The following TFB1M variants were observed in gnomAD, a reference collection of about 807,000 sequenced individuals.
TFB1M encodes dimethyladenosine transferase 1, mitochondrial.
Under a neutral mutation model 31.1 loss-of-function variants are expected in TFB1M, and 27 were observed. That is an observed-to-expected ratio of 0.87 (90% CI 0.64 to 1.20). TFB1M has a LOEUF of 1.20. TFB1M is among the 50% of genes most tolerant of loss of function. The pLI is 0.00. For missense variants in TFB1M, 394 were observed against 418.7 expected (o/e 0.94, Z 0.51); for synonymous variants, 166 against 151.8 (o/e 1.09, Z -0.69).
At chr6:155,261,386 A>G (rs1261256716) in intron 5 of TFB1M, among the ~76,000 whole-genome samples, 1 of 152,194 alleles carries the variant, frequency 6.6e-6, no homozygotes, top group East Asian at 1.9e-4. Context: ...TTTCAAAAGG[A>G]ACTCCATTGT....
chr6:155,254,229 A>G, downstream of TFB1M: 2 of 994,716 alleles, frequency 2.0e-6, no homozygotes, highest in Non-Finnish European at 2.9e-6. Context: ...TTGATTAAAT[A>G]AATATCAAAA....
At chr6:155,254,143 C>G (rs1783854312), downstream of TFB1M, 3 of 1,437,522 alleles carry the variant, frequency 2.1e-6, no homozygotes, top group African/African-American at 4.3e-5. Context: ...TAGTGCCCTC[C>G]TGAATTTTGA....
intron 4 of TFB1M, among the ~76,000 whole-genome samples, chr6:155,292,147 C>G (rs1328344668): frequency 6.6e-6 from 1 of 152,126 alleles, no homozygotes; most frequent in Non-Finnish European, 1.5e-5. Context: ...GGGGGCAGCT[C>G]AAACTGAGCC....
At chr6:155,236,070 C>T in the TFB1M span, among the ~76,000 whole-genome samples, 1 of 152,100 alleles carries the variant, frequency 6.6e-6, no homozygotes, top group African/African-American at 2.4e-5. Flanking sequence ...TGGTGCAAAT[C>T]CCAGTACAGA....
chr6:155,278,886 G>A (rs1296662833), intron 5 of TFB1M, among the ~76,000 whole-genome samples: 1 of 152,192 alleles, frequency 6.6e-6, no homozygotes, highest in Non-Finnish European at 1.5e-5. Flanking sequence ...GAAAGCATAT[G>A]ACTAGTGTTA....
At chr6:155,281,821 TA>T (rs34485998) in intron 5 of TFB1M, among the ~76,000 whole-genome samples, 44,535 of 150,090 alleles carry the variant, frequency 0.3, 7,316 homozygotes, top group East Asian at 0.66. Context: ...CCATAATTCA[TA>T]AAAAAAAAGA....
At position 155,256,647 on chromosome 6, in the gene TFB1M, T is replaced by G; in HGVS notation, c.*1189A>C. 1 of 1,614,160 alleles carries G rather than the reference T, an allele frequency of 6.2e-7. No individual in the cohort carries two copies. Among genetic ancestry groups the G allele is most frequent in the Non-Finnish European group, 8.5e-7 (1 of 1,180,042 alleles). ...AGGGCAGGCAGGACTCCAAGAGCAC[T>G]TCTCCCGGGAAATACCCACACCCCG... On this transcript the variant is annotated 3_prime_UTR_variant, in exon 7 of 7. Coordinates refer to ENST00000367166, the MANE Select transcript of TFB1M (RefSeq NM_016020.4).
intron 6 of TFB1M, among the ~76,000 whole-genome samples, chr6:155,259,678 C>T (rs1784303494): frequency 6.6e-6 from 1 of 152,226 alleles, no homozygotes; most frequent in Non-Finnish European, 1.5e-5. Flanking sequence ...AGCAGACTAT[C>T]ACTGGGCTTA....
chr6:155,314,163 G>A, intron 1 of TFB1M, 133 bp downstream of exon 1: 4 of 1,539,876 alleles, frequency 2.6e-6, no homozygotes, highest in Non-Finnish European at 3.5e-6. Flanking sequence ...ATACAAAGAG[G>A]TCGAAGGACC....
intron 2 of TFB1M, among the ~76,000 whole-genome samples, chr6:155,308,728 T>C (rs138341731): frequency 2.6e-5 from 4 of 152,348 alleles, no homozygotes; most frequent in Non-Finnish European, 4.4e-5. Context: ...ACTGTAGGAA[T>C]TGAATTAAGC....
the TFB1M span, chr6:155,250,685 G>A: frequency 7.0e-7 from 1 of 1,433,618 alleles, no homozygotes; most frequent in Non-Finnish European, 9.5e-7. Context: ...ACATGTGCGT[G>A]CACTGGAGCA....
the TFB1M span, among the ~76,000 whole-genome samples, chr6:155,246,822 T>C: frequency 4.9e-4 from 75 of 152,256 alleles, no homozygotes; most frequent in African/African-American, 1.6e-3. Flanking sequence ...CAAAATGGTA[T>C]TGCATCTCCT....
chr6:155,256,171 C>G lies in TFB1M; in HGVS notation c.*1665G>C, dbSNP rs61196184. On this transcript the variant is annotated 3_prime_UTR_variant, in exon 7 of 7. Transcript: ENST00000367166. The stretch of plus-strand genomic sequence containing the variant: ...GCCTAGATTTATTATTACCAATTAA[C>G]TTTTCAACTTACTCCTTGGCAAAAT... The G allele has an allele frequency of 1.3e-5, 7 of 522,940 alleles. No individual in the cohort carries two copies. In the East Asian group the frequency reaches 2.4e-4, roughly 18 times the overall value. 32.4% of individuals were successfully genotyped at this position (522,940 alleles called of 1,614,324 possible). A position where few individuals can be genotyped will look rare whatever the true frequency, so the allele number is the denominator to read the frequency against.
At chr6:155,239,855 C>T in the TFB1M span, among the ~76,000 whole-genome samples, 2 of 152,206 alleles carry the variant, frequency 1.3e-5, no homozygotes, top group African/African-American at 4.8e-5. Context: ...GTCCTCTGCT[C>T]CCTGCCTGTG....
chr6:155,294,214 TAG>T (rs1170320562), intron 4 of TFB1M, among the ~76,000 whole-genome samples: 2 of 152,130 alleles, frequency 1.3e-5, no homozygotes, highest in East Asian at 3.8e-4. Flanking sequence ...GAGTGGACTA[TAG>T]ATATAAATGT....
intron 5 of TFB1M, among the ~76,000 whole-genome samples, chr6:155,267,793 C>G (rs2114688019): frequency 6.6e-6 from 1 of 152,308 alleles, no homozygotes; most frequent in East Asian, 1.9e-4. Flanking sequence ...AACCTTCACA[C>G]AGCCAAGAAA....
intron 5 of TFB1M, among the ~76,000 whole-genome samples, chr6:155,262,747 C>T (rs1784447319): frequency 6.6e-6 from 1 of 152,216 alleles, no homozygotes; most frequent in Non-Finnish European, 1.5e-5. Flanking sequence ...CTGCCACTTT[C>T]AGCTTCCTTA....
In TFB1M at chr6:155,269,856, A is replaced by G. The variant is rs1010412424; in HGVS notation, c.667-9456T>C. On this transcript the variant is annotated intron_variant, in intron 5 of 6. Transcript: ENST00000367166. ...TTTATAGTTTAACATTATATACTTA[A>G]AGTCAGTTTCTGAATTCATTCATTG... Among the ~76,000 whole-genome samples the G allele has an allele frequency of 8.5e-5, 13 of 152,352 alleles. 2 individuals are homozygous for G. The highest frequency in any genetic ancestry group is 8.3e-4 in the South Asian group (4 of 4,834).
chr6:155,234,793 CCT>C, the TFB1M span, among the ~76,000 whole-genome samples: 56 of 152,332 alleles, frequency 3.7e-4, no homozygotes, highest in East Asian at 0.01. Context: ...GCTGTTTCTG[CCT>C]CTCTAAGCAG....
Sources: gnomAD v4.1 joint callset for allele counts (sites outside exome capture counted in the v4.1 genomes callset) on GRCh38, gnomAD v4.1.1 for gene constraint, MANE v1.5 for transcripts, NCBI Gene and HGNC (gene_info 2026-07-23, HGNC 2026-07-21) for gene names.